SYCP2L: variants seen among roughly 807,000 people sequenced by gnomAD.
SYCP2L encodes synaptonemal complex protein 2-like.
SYCP2L carries 98 observed loss-of-function variants against 125.8 expected under a neutral mutation model. The observed-to-expected ratio is 0.78, with a 90% CI of 0.66 to 0.92. The LOEUF (loss-of-function observed/expected upper bound fraction) is 0.92, where lower values mean the gene tolerates loss of function less well. Ranked by LOEUF, SYCP2L falls within the 40% of genes least tolerant of loss-of-function variation. The pLI is 0.00. For missense variants in SYCP2L, 842 were observed against 936.4 expected, an observed-to-expected ratio of 0.90 and a Z score of 1.32; for synonymous variants, 317 against 325.4, an observed-to-expected ratio of 0.97 and a Z score of 0.28.
intron 8 of SYCP2L, among the ~76,000 whole-genome samples, chr6:10,904,857 C>G (rs9467897): frequency 3.3e-5 from 5 of 151,836 alleles, no homozygotes; most frequent in African/African-American, 1.2e-4. Flanking sequence ...TCGACTCGGC[C>G]GGGCATGGTG....
intron 5 of SYCP2L, 21 bp from the exon 6 acceptor site, chr6:10,898,803 C>T (rs373089517): frequency 9.6e-6 from 13 of 1,353,702 alleles, no homozygotes; most frequent in Middle Eastern, 1.8e-4. Flanking sequence ...ATGAGCTTTA[C>T]TTTTTCTTTC....
Position 10,931,432 on chromosome 6 carries a change from C to A in SYCP2L, c.1634-8C>A. Reference sequence around the variant, plus strand: ...TATATGTTGTGCACTTGTTTTCTTTCAATTTAGTCTTGCCAGTTTTCCCTC... The same window carrying A: ...TATATGTTGTGCACTTGTTTTCTTTAAATTTAGTCTTGCCAGTTTTCCCTC... On this transcript the variant is annotated splice_polypyrimidine_tract_variant and splice_region_variant and intron_variant, in intron 19 of 29. Transcript: ENST00000283141. 1 of 1,613,998 alleles carries A rather than the reference C, an allele frequency of 6.2e-7. No homozygotes were observed. Among genetic ancestry groups the A allele is most frequent in the Non-Finnish European group, 8.5e-7 (1 of 1,179,888 alleles).
intron 20 of SYCP2L, among the ~76,000 whole-genome samples, chr6:10,933,169 T>G (rs903021563): frequency 3.9e-5 from 6 of 152,210 alleles, no homozygotes; most frequent in African/African-American, 1.4e-4. Context: ...TATACTTCTC[T>G]CTGTATAAGA....
In SYCP2L at chr6:10,891,609, C is replaced by CCGTG. The variant is rs1554104115; in HGVS notation, c.78+28_78+29insCGTG. 3 of 764,998 alleles carry CCGTG rather than the reference C, an allele frequency of 3.9e-6. No individual in the cohort carries two copies. In the African/African-American group the frequency reaches 6.9e-5, roughly 17 times the overall value. 47.4% of individuals were successfully genotyped at this position (764,998 alleles called of 1,614,324 possible). A position where few individuals can be genotyped will look rare whatever the true frequency, so the allele number is the denominator to read the frequency against. ...AAAGATCAAGTTTCTTTTATAATCT[C>CCGTG]TCTCTGTGTGTGTGTGTGTGTGTGT... On this transcript the variant is annotated intron_variant, in intron 2 of 29. Coordinates refer to ENST00000283141, the MANE Select transcript of SYCP2L (RefSeq NM_001040274.3).
intron 4 of SYCP2L, among the ~76,000 whole-genome samples, chr6:10,896,523 A>G (rs1279513164): frequency 6.6e-6 from 1 of 152,186 alleles, no homozygotes; most frequent in South Asian, 2.1e-4. Context: ...GAGTATGAAC[A>G]TAGGGAGGGA....
chr6:10,902,879 T>A lies in SYCP2L; in HGVS notation c.557T>A (p.Leu186Ter), dbSNP rs1490091370. Residue 186 changes from leucine to a stop codon, truncating the protein, a stop_gained, in exon 8 of 30, where the codon TTG (leucine) becomes TAG (stop). Coordinates refer to ENST00000283141, the MANE Select transcript of SYCP2L (RefSeq NM_001040274.3). LOFTEE classifies it high-confidence loss of function. ...TGTCTTCTCAATTCCAAAAAGGGCT[T>A]GAAGACTTTTAACTGCATTTTGCAC... is the stretch of plus-strand genomic sequence containing the variant. The part of the protein sequence containing the change: ...TVNHLLQQEG[L>*]KTFNCILHAV... 1 of 1,614,078 alleles carries A rather than the reference T, an allele frequency of 6.2e-7. No homozygotes were observed. Among genetic ancestry groups the A allele is most frequent in the Non-Finnish European group, 8.5e-7 (1 of 1,180,038 alleles).
chr6:10,962,272 A>ATGCATATATTCCTATGCATATATT (rs1781606245), intron 28 of SYCP2L, among the ~76,000 whole-genome samples: 1 of 149,106 alleles, frequency 6.7e-6, no homozygotes, highest in Admixed American at 6.7e-5. Flanking sequence ...TCTTCCTAAA[A>ATGCATATATTCCTATGCATATATT]CCTATGCATA....
Position 10,907,703 on chromosome 6 carries a change from C to A in SYCP2L, c.819+19C>A, listed in dbSNP as rs754932983. The A allele has an allele frequency of 1.9e-6, 3 of 1,608,708 alleles. No individual in the cohort carries two copies. The highest frequency in any genetic ancestry group is 1.7e-6 in the Non-Finnish European group (2 of 1,177,624). ...TGAGACGGTGAGATTCCTGGCCATG[C>A]GAATTTCTTATTAGCCAATATTTAT... is the stretch of plus-strand genomic sequence containing the variant. On this transcript the variant is annotated intron_variant, in intron 10 of 29. Transcript: ENST00000283141.
intron 5 of SYCP2L, 113 bp from the exon 6 acceptor site, chr6:10,898,711 C>A: frequency 1.3e-6 from 1 of 762,824 alleles, no homozygotes. Flanking sequence ...TGCTTTTCTT[C>A]TGTAAAGTCA....
intron 14 of SYCP2L, among the ~76,000 whole-genome samples, chr6:10,913,968 A>G (rs1006556426): frequency 6.6e-6 from 1 of 151,954 alleles, no homozygotes; most frequent in Non-Finnish European, 1.5e-5. Flanking sequence ...AGTTGCTGGG[A>G]TGACAGGCAT....
At chr6:10,923,079 G>A (rs1000269274) in intron 14 of SYCP2L, among the ~76,000 whole-genome samples, 3 of 152,096 alleles carry the variant, frequency 2.0e-5, no homozygotes, top group African/African-American at 4.8e-5. Context: ...TACTAGGCAT[G>A]CTTTCAGTAC....
At position 10,912,675 on chromosome 6, in the gene SYCP2L, G is replaced by A; in HGVS notation, c.921G>A (p.Met307Ile). 4 of 1,611,804 alleles carry A rather than the reference G, an allele frequency of 2.5e-6. No individual in the cohort carries two copies. The highest frequency in any genetic ancestry group is 3.4e-6 in the Non-Finnish European group (4 of 1,179,034). ...CIAAFADEHE[M>I]RKPADEKLEK... is the part of the protein sequence containing the mutation. The stretch of plus-strand genomic sequence containing the variant: ...CATGCTGAAATGATCTCTTACAGAT[G>A]AGAAAACCAGCGGATGAAAAATTAG... Residue 307 changes from methionine (M) to isoleucine (I), a missense_variant and splice_region_variant, in exon 13 of 30, where the codon ATG becomes ATA. Physicochemically the swap from Met to Ile is conservative, Grantham distance 10. Transcript: ENST00000283141. The surrounding 1 kb of genome is among the most constrained non-coding windows in gnomAD (Gnocchi z 4.1).
chr6:10,930,981 T>C (rs554844792), intron 19 of SYCP2L, among the ~76,000 whole-genome samples: 5 of 152,270 alleles, frequency 3.3e-5, no homozygotes, highest in African/African-American at 1.2e-4. Context: ...GAGACCAGCC[T>C]AGGCAATGTG....
Position 10,894,190 on chromosome 6 carries a change from GGA to G in SYCP2L, c.323_324del (p.Gly108AlafsTer10). On this transcript the variant is annotated frameshift_variant, in exon 4 of 30. Transcript: ENST00000283141. LOFTEE classifies it high-confidence loss of function. ...KEDEPLLIRQGLIPKLVSWFE... is the reference protein window; with the variant it reads ...KEDEPLLIRQXLIPKLVSWFE... The stretch of plus-strand genomic sequence containing the variant: ...AGATGAACCTCTGCTAATTCGGCAG[GGA>G]CTGATCCCAAAGATAAGTGTCCTAT... 6.2e-7 allele frequency: 1 copy of G among 1,612,812 alleles called. No homozygotes were observed. The highest frequency in any genetic ancestry group is 8.5e-7 in the Non-Finnish European group (1 of 1,179,764).
At chr6:10,956,083 T>A in intron 24 of SYCP2L, 53 bp from the exon 25 acceptor site, 1 of 1,435,052 alleles carries the variant, frequency 7.0e-7, no homozygotes, top group East Asian at 2.3e-5. Context: ...ATTGAGCAAG[T>A]CTACTTTGAA....
chr6:10,913,377 C>G (rs1399869590), intron 14 of SYCP2L, among the ~76,000 whole-genome samples: 1 of 152,108 alleles, frequency 6.6e-6, no homozygotes, highest in Non-Finnish European at 1.5e-5. Context: ...AGGTGCCTGC[C>G]CCCTCTACGG....
Position 10,958,763 on chromosome 6 carries a change from GTTA to G in SYCP2L, c.2164-18_2164-16del, listed in dbSNP as rs141480785. ...TAATTATATTAAATGTGATCATCTT[GTTA>G]TTGTTGTTATGATTTAGCTTAGGTA... On this transcript the variant is annotated intron_variant, in intron 25 of 29. Coordinates refer to ENST00000283141, the MANE Select transcript of SYCP2L (RefSeq NM_001040274.3). 0.027 allele frequency: 43,348 copies of G among 1,594,696 alleles called. 3,377 individuals are homozygous for G. The highest frequency in any genetic ancestry group is 0.22 in the East Asian group (9,889 of 44,714).
chr6:10,934,583 G>A (rs1434476531), intron 20 of SYCP2L, among the ~76,000 whole-genome samples: 1 of 152,248 alleles, frequency 6.6e-6, no homozygotes, highest in Non-Finnish European at 1.5e-5. Flanking sequence ...ATGAGGCTGA[G>A]GCACGAGAAT....
chr6:10,889,616 C>CTTTTT (rs34273350), intron 1 of SYCP2L, among the ~76,000 whole-genome samples: 9 of 101,408 alleles, frequency 8.9e-5, no homozygotes, highest in Non-Finnish European at 1.1e-4. Context: ...TGAGATCAGC[C>CTTTTT]TTTTTTTTTT....
Sources: gnomAD v4.1 joint callset for allele counts (sites outside exome capture counted in the v4.1 genomes callset) on GRCh38, gnomAD v4.1.1 for gene constraint, Gnocchi (gnomAD v3.1) non-coding constraint, MANE v1.5 for transcripts, NCBI Gene and HGNC (gene_info 2026-07-23, HGNC 2026-07-21) for gene names.